HDLBP: variants seen among roughly 807,000 people sequenced by gnomAD.
HDLBP encodes vigilin.
HDLBP carries 30 observed loss-of-function variants against 137.3 expected under a neutral mutation model. The ratio of observed to expected loss-of-function variants is 0.22; its 90% CI spans 0.16 to 0.30. HDLBP has a LOEUF of 0.30. HDLBP is among the 10% of genes least tolerant of loss of function. The pLI, the probability that HDLBP is intolerant of heterozygous loss-of-function variation, is 1.00. For synonymous variants in HDLBP, 606 were observed against 596.0 expected (o/e 1.02, Z -0.24); for missense variants, 1,119 against 1,667.3 (o/e 0.67, Z 5.73).
intron 23 of HDLBP, among the ~76,000 whole-genome samples, chr2:241,234,695 G>A (rs2070195736): frequency 6.6e-6 from 1 of 152,222 alleles, no homozygotes; most frequent in Admixed American, 6.5e-5. Context: ...AGCCTTGCCA[G>A]AGGTTGGGGG....
chr2:241,274,341 C>T (rs748004224), intron 1 of HDLBP, among the ~76,000 whole-genome samples: 44 of 152,266 alleles, frequency 2.9e-4, no homozygotes, highest in Non-Finnish European at 5.1e-4. Context: ...TCAGCAAAGC[C>T]GTGCTCTAAG....
chr2:241,253,298 C>G, intron 10 of HDLBP, 95 bp downstream of exon 10: 3 of 875,508 alleles, frequency 3.4e-6, no homozygotes, highest in Non-Finnish European at 5.9e-6. Flanking sequence ...TGTCTGTGCC[C>G]GGACATGTGG....
At chr2:241,246,175 T>C (rs572805364) in intron 16 of HDLBP, among the ~76,000 whole-genome samples, 43 of 149,850 alleles carry the variant, frequency 2.9e-4, no homozygotes, top group African/African-American at 1.0e-3. Flanking sequence ...CAATAAAGAG[T>C]AGATGTTATG....
At chr2:241,274,162 T>G (rs1210652815) in intron 1 of HDLBP, among the ~76,000 whole-genome samples, 3 of 152,050 alleles carry the variant, frequency 2.0e-5, no homozygotes, top group Admixed American at 6.5e-5. Flanking sequence ...ATGCCCTGAC[T>G]GGGCAGGTGG....
chr2:241,267,177 C>G (rs2073738490), intron 2 of HDLBP, among the ~76,000 whole-genome samples: 1 of 151,754 alleles, frequency 6.6e-6, no homozygotes, highest in Admixed American at 6.6e-5. Context: ...GATCTTGGGA[C>G]ACACATAAAA....
chr2:241,242,131 A>G (rs2071297741), intron 17 of HDLBP, among the ~76,000 whole-genome samples: 1 of 152,192 alleles, frequency 6.6e-6, no homozygotes. Flanking sequence ...ATGAATTTTG[A>G]TGATTGTGGT....
At chr2:241,271,604 A>G (rs890181998) in intron 1 of HDLBP, among the ~76,000 whole-genome samples, 8 of 152,238 alleles carry the variant, frequency 5.3e-5, no homozygotes, top group Admixed American at 1.3e-4. Context: ...TGCCAACTAC[A>G]TATTCAAGGG....
Position 241,230,375 on chromosome 2 carries a change from A to G in HDLBP, c.3475-106T>C. 1 of 766,866 alleles carries G rather than the reference A, an allele frequency of 1.3e-6. No homozygotes were observed. Among genetic ancestry groups the G allele is most frequent in the Non-Finnish European group, 2.2e-6 (1 of 463,636 alleles). The allele number at this position is 766,866 out of a possible 1,614,324, so 47.5% of individuals were successfully genotyped here. Reference sequence around the variant, plus strand: ...CATTTTCTGAGTTAGCAAACGTTTTAAAATCTGGTTTCAGAGTTGTTCTGA... The same window carrying G: ...CATTTTCTGAGTTAGCAAACGTTTTGAAATCTGGTTTCAGAGTTGTTCTGA... On this transcript the variant is annotated intron_variant, in intron 25 of 27. Coordinates refer to ENST00000310931, the MANE Select transcript of HDLBP (RefSeq NM_005336.6). The surrounding 1 kb of genome is among the most constrained non-coding windows in gnomAD (Gnocchi z 5.0).
intron 1 of HDLBP, among the ~76,000 whole-genome samples, chr2:241,273,854 T>TG (rs2074288938): frequency 6.9e-6 from 1 of 145,850 alleles, no homozygotes; most frequent in African/African-American, 2.6e-5. Context: ...TCAGACGTGT[T>TG]TTTTTTTTTT....
Position 241,275,326 on chromosome 2 carries a change from G to A in HDLBP, c.-102-6785C>T, listed in dbSNP as rs149379957. Reference sequence around the variant, plus strand: ...AAGTAGGATTAGACTCAAGAACTTCGGGAGACAGAACTAAGATTGAGACAA... The same window carrying A: ...AAGTAGGATTAGACTCAAGAACTTCAGGAGACAGAACTAAGATTGAGACAA... On this transcript the variant is annotated intron_variant, in intron 1 of 27. Coordinates refer to ENST00000310931, the MANE Select transcript of HDLBP (RefSeq NM_005336.6). Among the ~76,000 whole-genome samples the A allele has an allele frequency of 2.0e-5, 3 of 152,136 alleles. No homozygotes were observed. The East Asian group carries it at 5.8e-4, about 29-fold the overall frequency.
chr2:241,310,478 ATTAT>A (rs1319110448), intron 1 of HDLBP, among the ~76,000 whole-genome samples: 2 of 152,366 alleles, frequency 1.3e-5, no homozygotes, highest in African/African-American at 2.4e-5. Flanking sequence ...ACTTGATTTT[ATTAT>A]TTATTGTATC....
chr2:241,308,388 TAACATTCCTAA>T (rs2075649860), intron 1 of HDLBP, among the ~76,000 whole-genome samples: 1 of 152,078 alleles, frequency 6.6e-6, no homozygotes, highest in African/African-American at 2.4e-5. Context: ...ATGCCAAAAA[TAACATTCCTAA>T]AGGGCACCCA....
chr2:241,255,483 C>T lies in HDLBP; in HGVS notation c.971G>A (p.Arg324Lys), dbSNP rs916729106. The part of the protein sequence containing the change: ...KGNSLQEILE[R>K]TGVSVEIPPS... ...TGGGATCTCAACGGAAACTCCAGTTCTCTCAAGGATCTCCTGCAATGAATT... is the reference window on the plus strand; with the variant it reads ...TGGGATCTCAACGGAAACTCCAGTTTTCTCAAGGATCTCCTGCAATGAATT... Residue 324 changes from arginine (R) to lysine (K), a missense_variant, in exon 8 of 28, where the codon AGA becomes AAA. Physicochemically the swap from Arg to Lys is conservative, Grantham distance 26. Coordinates refer to ENST00000310931, the MANE Select transcript of HDLBP (RefSeq NM_005336.6). 1 of 1,614,016 alleles carries T rather than the reference C, an allele frequency of 6.2e-7. No homozygotes were observed. Among genetic ancestry groups the T allele is most frequent in the Non-Finnish European group, 8.5e-7 (1 of 1,179,826 alleles).
intron 1 of HDLBP, chr2:241,314,989 CG>C (rs1275875664): frequency 6.6e-6 from 1 of 152,124 alleles, no homozygotes; most frequent in Non-Finnish European, 1.5e-5. Context: ...GCACAACCCG[CG>C]GGCCGGAGCC....
In HDLBP at chr2:241,262,792, T is replaced by C. The variant is rs377026955; in HGVS notation, c.369A>G (p.Gln123=). The change falls in exon 5 of 28, where the codon CAA becomes CAG. Residue 123 remains glutamine (Q), a synonymous_variant. Coordinates refer to ENST00000310931, the MANE Select transcript of HDLBP (RefSeq NM_005336.6). The part of the protein sequence containing the change: ...AHLELSLAKD[Q]GLSIMVSGKL... ...TTCCTGACACCATGATGGAGAGGCC[T>C]TGGTCTTTGGCCAAAGACAGCTCCA... 3.1e-6 allele frequency: 5 copies of C among 1,614,154 alleles called. No individual in the cohort carries two copies. In the African/African-American group the frequency reaches 6.7e-5, roughly 22 times the overall value.
At position 241,255,077 on chromosome 2, in the gene HDLBP, C is replaced by A; in HGVS notation, c.1162G>T (p.Ala388Ser). Residue 388 changes from alanine (A) to serine (S), a missense_variant, in exon 9 of 28, where the codon GCC becomes TCC. Ala to Ser is a moderately conservative substitution (Grantham distance 99). Around this residue, in one of 4 missense-constraint regions of HDLBP, gnomAD observed 425 missense variants for 693.9 expected, o/e 0.61. Transcript: ENST00000310931. ...TTTGGCATCTGCTGAGTGATTTTGG[C>A]CAGGTTCTGCCCTTTCTTGCCAATG... is the stretch of plus-strand genomic sequence containing the variant. ...FIIGKKGQNL[A>S]KITQQMPKVH... The A allele has an allele frequency of 6.2e-7, 1 of 1,613,990 alleles. No homozygotes were observed. The highest frequency in any genetic ancestry group is 1.1e-5 in the South Asian group (1 of 91,080).
chr2:241,293,039 A>G (rs1575034563), intron 1 of HDLBP, among the ~76,000 whole-genome samples: 1 of 108,172 alleles, frequency 9.2e-6, no homozygotes, highest in African/African-American at 3.0e-5. Flanking sequence ...AAAAGAAGAA[A>G]GAGCAAAGAG....
chr2:241,232,713 T>G (rs895572269), intron 24 of HDLBP, among the ~76,000 whole-genome samples: 2 of 150,980 alleles, frequency 1.3e-5, no homozygotes, highest in Non-Finnish European at 3.0e-5. Flanking sequence ...ACTTGGGAGG[T>G]TGAGGCACGA....
intron 5 of HDLBP, among the ~76,000 whole-genome samples, chr2:241,259,476 A>C (rs912723065): frequency 1.3e-5 from 2 of 152,124 alleles, no homozygotes; most frequent in Non-Finnish European, 2.9e-5. Flanking sequence ...AGAAAAAAGG[A>C]ATTACTTCAA....
Sources: allele counts gnomAD v4.1 joint callset (sites outside exome capture counted in the v4.1 genomes callset), GRCh38; gene constraint gnomAD v4.1.1; regional missense constraint gnomAD v4.1.1; non-coding constraint Gnocchi (gnomAD v3.1); transcripts MANE v1.5; gene names NCBI Gene and HGNC (gene_info 2026-07-23, HGNC 2026-07-21).